GGTA1: variants seen among roughly 807,000 people sequenced by gnomAD.
GGTA1 encodes the protein inactive N-acetyllactosaminide alpha-1,3-galactosyltransferase.
A neutral mutation model predicts 2.6 loss-of-function variants in GGTA1; 5 were observed. The ratio of observed to expected loss-of-function variants is 1.92; its 90% CI spans 1.00 to 4.04. GGTA1 has a LOEUF of 4.04. GGTA1 is among the 30% of genes most tolerant of loss of function. GGTA1 has a pLI of 0.00. For synonymous variants in GGTA1, 17 were observed against 5.0 expected (o/e 3.38, Z -3.19); for missense variants, 50 against 16.7 (o/e 2.99, Z -3.47).
chr9:121,470,536 C>A, intron 1 of GGTA1, among the ~76,000 whole-genome samples: 1 of 152,164 alleles, frequency 6.6e-6, no homozygotes, highest in Admixed American at 6.5e-5. Flanking sequence ...AAGAGTTGTT[C>A]ACATATGGAA....
At chr9:121,473,472 G>C (rs574876266) in intron 1 of GGTA1, among the ~76,000 whole-genome samples, 2 of 152,168 alleles carry the variant, frequency 1.3e-5, no homozygotes, top group Non-Finnish European at 2.9e-5. Flanking sequence ...GGTGGCCAAT[G>C]GGTCTTTTAA....
chr9:121,463,722 C>T (rs770409595), intron 2 of GGTA1, among the ~76,000 whole-genome samples: 4 of 152,110 alleles, frequency 2.6e-5, no homozygotes, highest in African/African-American at 4.8e-5. Flanking sequence ...TGTTTGTTTG[C>T]TCTTTTAAAA....
chr9:121,466,675 G>A (rs961392127), intron 2 of GGTA1, among the ~76,000 whole-genome samples: 6 of 152,006 alleles, frequency 3.9e-5, no homozygotes, highest in Non-Finnish European at 7.4e-5. Flanking sequence ...AAAAGAGGCC[G>A]GGCATGGTGG....
At chr9:121,491,163 C>A (rs1455591688) in intron 1 of GGTA1, among the ~76,000 whole-genome samples, 1 of 152,132 alleles carries the variant, frequency 6.6e-6, no homozygotes, top group African/African-American at 2.4e-5. Context: ...GGGAGCCAGG[C>A]CTCCTTAAAA....
chr9:121,479,332 C>T (rs1828584427), intron 1 of GGTA1: 5 of 354,096 alleles, frequency 1.4e-5, no homozygotes, highest in South Asian at 1.1e-4. Flanking sequence ...CTGGTTTCAA[C>T]TCCTGTCGAA....
intron 1 of GGTA1, among the ~76,000 whole-genome samples, chr9:121,484,440 T>C (rs182721991): frequency 1.3e-5 from 2 of 151,954 alleles, no homozygotes; most frequent in African/African-American, 4.8e-5. Context: ...CCCACTACCA[T>C]GCCCAGCTAA....
At chr9:121,452,562 A>T (rs1337697898), downstream of GGTA1, among the ~76,000 whole-genome samples, 1 of 151,642 alleles carries the variant, frequency 6.6e-6, no homozygotes, top group Non-Finnish European at 1.5e-5. Context: ...TCTGTCACCC[A>T]GGCTGGAGTG....
exon 8 of GGTA1, chr9:121,447,315 G>A (rs757118587): frequency 6.6e-6 from 1 of 152,632 alleles, no homozygotes; most frequent in Admixed American, 6.5e-5. Flanking sequence ...CCCCAAAATG[G>A]TCTTGGAAGA....
chr9:121,498,298 T>C (rs1829032637), intron 1 of GGTA1, among the ~76,000 whole-genome samples: 1 of 152,184 alleles, frequency 6.6e-6, no homozygotes, highest in Non-Finnish European at 1.5e-5. Context: ...ATTCAGTCAT[T>C]GAGCACCTGT....
At chr9:121,493,748 CTTTTTTTT>C (rs35465171) in intron 1 of GGTA1, among the ~76,000 whole-genome samples, 30 of 36,626 alleles carry the variant, frequency 8.2e-4, no homozygotes, top group Non-Finnish European at 1.2e-3. Flanking sequence ...GACTCACTCT[CTTTTTTTT>C]TTTTTTTTTT....
At chr9:121,473,486 A>C (rs1009484790) in intron 1 of GGTA1, among the ~76,000 whole-genome samples, 6 of 152,026 alleles carry the variant, frequency 3.9e-5, no homozygotes, top group African/African-American at 1.5e-4. Context: ...CTTTTAAAAC[A>C]TTTTTATTTT....
chr9:121,460,207 A>G lies in GGTA1; in HGVS notation c.195T>C (p.Tyr65=), dbSNP rs947687477. Residue 65 remains tyrosine, a synonymous_variant, in exon 5 of 6, where the codon TAT becomes TAC. Coordinates refer to ENST00000481799, the MANE Select transcript of GGTA1 (RefSeq NM_001382585.1). The part of the protein sequence containing the change: ...LSWFNNGIHN[Y]QQGEEDIDKE... ...TGTCTATGTCTTCTTCCCCTTGTTG[A>G]TAATTGTGGATCCTAAGTACAAAGG... 7 of 456,894 alleles carry G rather than the reference A, an allele frequency of 1.5e-5. No homozygotes were observed. Among genetic ancestry groups the G allele is most frequent in the African/African-American group, 1.4e-4 (7 of 49,972 alleles). 28.3% of individuals were successfully genotyped at this position (456,894 alleles called of 1,614,324 possible). A position where few individuals can be genotyped will look rare whatever the true frequency, so the allele number is the denominator to read the frequency against.
chr9:121,479,154 A>G, intron 1 of GGTA1: 1 of 455,830 alleles, frequency 2.2e-6, no homozygotes, highest in Middle Eastern at 3.3e-4. Context: ...TGAGGGGGCC[A>G]CCGAGAGTTT....
chr9:121,492,252 T>G (rs1040342310), intron 1 of GGTA1, among the ~76,000 whole-genome samples: 6 of 151,292 alleles, frequency 4.0e-5, no homozygotes, highest in East Asian at 1.9e-4. Flanking sequence ...GTGTTTAGAG[T>G]TTTTTTTTCC....
chr9:121,467,989 G>C (rs1377896445), intron 1 of GGTA1, 58 bp from the exon 2 acceptor site: 1 of 426,690 alleles, frequency 2.3e-6, no homozygotes, highest in Non-Finnish European at 4.6e-6. Flanking sequence ...TGAACTTCAA[G>C]AGGCAGTTTT....
chr9:121,461,892 T>C (rs1183379020), intron 3 of GGTA1, among the ~76,000 whole-genome samples: 1 of 152,154 alleles, frequency 6.6e-6, no homozygotes, highest in Admixed American at 6.5e-5. Flanking sequence ...TAGAGAAAAA[T>C]TTGGGTTGCC....
intron 1 of GGTA1, among the ~76,000 whole-genome samples, chr9:121,481,148 ATC>A (rs1272808334): frequency 1.2e-5 from 1 of 82,128 alleles, no homozygotes; most frequent in East Asian, 3.7e-4. Context: ...GCAAGACACC[ATC>A]TCAAAAAAAA....
intron 1 of GGTA1, among the ~76,000 whole-genome samples, chr9:121,490,181 T>C (rs565221432): frequency 6.6e-6 from 1 of 152,180 alleles, no homozygotes; most frequent in Admixed American, 6.5e-5. Flanking sequence ...TTACTAGTAC[T>C]TCTACTAATA....
intron 1 of GGTA1, among the ~76,000 whole-genome samples, chr9:121,480,065 T>TC (rs1554837666): frequency 1.3e-5 from 2 of 149,402 alleles, no homozygotes; most frequent in Admixed American, 6.7e-5. Flanking sequence ...TCTTTTCTTT[T>TC]TTTTTTTTGA....
Sources: allele counts gnomAD v4.1 joint callset (sites outside exome capture counted in the v4.1 genomes callset), GRCh38; gene constraint gnomAD v4.1.1; transcripts MANE v1.5; gene names NCBI Gene and HGNC (gene_info 2026-07-23, HGNC 2026-07-21).